PTPRD: variants seen among roughly 807,000 people sequenced by gnomAD.
PTPRD encodes receptor-type tyrosine-protein phosphatase delta.
PTPRD carries 34 observed loss-of-function variants against 214.5 expected under a neutral mutation model. That is an observed-to-expected ratio of 0.16 (90% CI 0.12 to 0.21). The LOEUF (loss-of-function observed/expected upper bound fraction) is 0.21, where lower values mean the gene tolerates loss of function less well. Ranked by LOEUF, PTPRD falls within the 10% of genes least tolerant of loss-of-function variation. PTPRD has a pLI of 1.00. For missense variants in PTPRD, 2,545 were observed against 2,398.7 expected (o/e 1.06, Z -1.27); for synonymous variants, 1,128 against 845.7 (o/e 1.33, Z -5.79).
intron 10 of PTPRD, among the ~76,000 whole-genome samples, chr9:9,123,561 G>A (rs1439280693): frequency 6.6e-6 from 1 of 151,806 alleles, no homozygotes; most frequent in Non-Finnish European, 1.5e-5. Context: ...TTTTCCAATG[G>A]CATCAAGAAA....
intron 7 of PTPRD, among the ~76,000 whole-genome samples, chr9:9,594,695 G>C (rs1259531803): frequency 6.6e-6 from 1 of 152,064 alleles, no homozygotes; most frequent in African/African-American, 2.4e-5. Flanking sequence ...TTTGAAATCA[G>C]GTAATGTGAT....
intron 11 of PTPRD, among the ~76,000 whole-genome samples, chr9:8,785,513 T>C (rs2154498428): frequency 6.6e-6 from 1 of 152,322 alleles, no homozygotes; most frequent in East Asian, 1.9e-4. Context: ...AAGAAACTAA[T>C]GTGAATCGCC....
intron 7 of PTPRD, among the ~76,000 whole-genome samples, chr9:9,609,623 T>G (rs2094406806): frequency 6.6e-6 from 1 of 152,214 alleles, no homozygotes; most frequent in African/African-American, 2.4e-5. Context: ...CCACCACACC[T>G]GGCTAATTTT....
At chr9:9,855,663 C>A (rs556619741) in intron 5 of PTPRD, among the ~76,000 whole-genome samples, 1 of 152,304 alleles carries the variant, frequency 6.6e-6, no homozygotes, top group Non-Finnish European at 1.5e-5. Context: ...CGCTTCCGCA[C>A]CTGCAGGAGT....
intron 10 of PTPRD, among the ~76,000 whole-genome samples, chr9:9,060,472 T>C (rs942184271): frequency 2.0e-5 from 3 of 152,066 alleles, no homozygotes; most frequent in Non-Finnish European, 4.4e-5. Context: ...ACAAAATACA[T>C]TAAACATAAA....
chr9:9,395,673 A>C (rs867059791), intron 9 of PTPRD, among the ~76,000 whole-genome samples: 6 of 152,040 alleles, frequency 3.9e-5, no homozygotes, highest in African/African-American at 1.2e-4. Flanking sequence ...AAACCTGCCA[A>C]CTTTGGCATC....
intron 9 of PTPRD, among the ~76,000 whole-genome samples, chr9:9,333,504 T>TTTTATATATATATATA (rs544075539): frequency 1.9e-4 from 26 of 137,246 alleles, no homozygotes; most frequent in African/African-American, 7.3e-4. Context: ...ATATAGTATA[T>TTTTATATATATATATA]TATATATATA....
At chr9:9,155,220 A>T (rs1025632422) in intron 10 of PTPRD, among the ~76,000 whole-genome samples, 4 of 152,098 alleles carry the variant, frequency 2.6e-5, no homozygotes, top group Admixed American at 2.6e-4. Flanking sequence ...TCATTTTTTA[A>T]ATGTAGAAAT....
At chr9:10,231,983 AGAGAGAGTGTGTGTGTGT>A (rs2099612426) in intron 3 of PTPRD, among the ~76,000 whole-genome samples, 2 of 97,170 alleles carry the variant, frequency 2.1e-5, no homozygotes, top group East Asian at 3.2e-4. Flanking sequence ...AGAGAGAGAG[AGAGAGAGTGTGTGTGTGT>A]GTGTGTGTGT....
intron 10 of PTPRD, among the ~76,000 whole-genome samples, chr9:9,024,356 T>TTTTTTTTTTTTTTG (rs2099580308): frequency 6.8e-6 from 1 of 147,084 alleles, no homozygotes; most frequent in African/African-American, 2.5e-5. Flanking sequence ...TTGTTTGTTT[T>TTTTTTTTTTTTTTG]TTTTTTTTTC....
chr9:8,938,387 T>G (rs2099011190), intron 11 of PTPRD, among the ~76,000 whole-genome samples: 1 of 152,146 alleles, frequency 6.6e-6, no homozygotes, highest in Non-Finnish European at 1.5e-5. Flanking sequence ...AAATGCCATT[T>G]AATGTAAGAG....
At chr9:9,164,880 CAAAA>C (rs779602346) in intron 10 of PTPRD, among the ~76,000 whole-genome samples, 1 of 140,618 alleles carries the variant, frequency 7.1e-6, no homozygotes, top group Non-Finnish European at 1.6e-5. Context: ...CAAAACAAAA[CAAAA>C]CAAACAAACC....
chr9:9,412,131 G>A (rs1329140631), intron 8 of PTPRD, among the ~76,000 whole-genome samples: 1 of 152,080 alleles, frequency 6.6e-6, no homozygotes, highest in African/African-American at 2.4e-5. Flanking sequence ...ATCATATATA[G>A]CACTTTTTTT....
chr9:9,631,704 C>A (rs1007817935), intron 7 of PTPRD, among the ~76,000 whole-genome samples: 7 of 152,058 alleles, frequency 4.6e-5, no homozygotes, highest in Non-Finnish European at 7.4e-5. Flanking sequence ...CTTCTCCTGT[C>A]AGTGTTGATG....
At chr9:8,448,013 C>T (rs943448109) in intron 34 of PTPRD, among the ~76,000 whole-genome samples, 4 of 152,054 alleles carry the variant, frequency 2.6e-5, no homozygotes, top group African/African-American at 9.7e-5. Context: ...AATATAAATT[C>T]CTGGGTCCAT....
chr9:10,531,151 T>C (rs2056161183), intron 2 of PTPRD, among the ~76,000 whole-genome samples: 2 of 152,092 alleles, frequency 1.3e-5, no homozygotes, highest in African/African-American at 4.8e-5. Context: ...GGTTTCACCA[T>C]GTTGGTCAGG....
chr9:9,686,772 T>C (rs1199849867), intron 7 of PTPRD, among the ~76,000 whole-genome samples: 1 of 151,760 alleles, frequency 6.6e-6, no homozygotes, highest in Non-Finnish European at 1.5e-5. Context: ...ATATATACAG[T>C]GACTATGCAT....
intron 41 of PTPRD, among the ~76,000 whole-genome samples, chr9:8,340,876 T>C (rs1851833259): frequency 6.6e-6 from 1 of 152,108 alleles, no homozygotes; most frequent in Middle Eastern, 3.2e-3. Flanking sequence ...AATTGGCTTA[T>C]GAAAGAAGAG....
At chr9:8,541,134 T>C (rs1031277361) in intron 14 of PTPRD, among the ~76,000 whole-genome samples, 2 of 152,212 alleles carry the variant, frequency 1.3e-5, no homozygotes, top group Admixed American at 6.5e-5. Context: ...TACAGATCTA[T>C]GGGGAAACAT....
Sources: allele counts gnomAD v4.1 joint callset (sites outside exome capture counted in the v4.1 genomes callset), GRCh38; gene constraint gnomAD v4.1.1; transcripts MANE v1.5; gene names NCBI Gene and HGNC (gene_info 2026-07-23, HGNC 2026-07-21).